The following SHPRH variants were observed in gnomAD, a reference collection of about 807,000 sequenced individuals.
SHPRH encodes SNF2 histone linker PHD RING helicase, also known as E3 ubiquitin-protein ligase SHPRH.
Under a neutral mutation model 202.5 loss-of-function variants are expected in SHPRH, and 106 were observed. That is an observed-to-expected ratio of 0.52 (90% CI 0.45 to 0.62). SHPRH has a LOEUF of 0.62. Ranked by LOEUF, SHPRH falls within the 20% of genes least tolerant of loss-of-function variation. The pLI is 0.00. For synonymous variants in SHPRH, 729 were observed against 686.0 expected (o/e 1.06, Z -0.98); for missense variants, 1,710 against 2,020.0 (o/e 0.85, Z 2.94).
chr6:145,880,364 C>T (rs1462116292), downstream of SHPRH, among the ~76,000 whole-genome samples: 1 of 152,076 alleles, frequency 6.6e-6, no homozygotes, highest in Non-Finnish European at 1.5e-5. Context: ...TGCAGTGGCT[C>T]ATGCCTGTAA....
Position 145,961,272 on chromosome 6 carries a change from C to T in SHPRH, c.-33+2459G>A, listed in dbSNP as rs942331376. ...GGGGAACTTAAAAAAATCCTGATGT[C>T]GAGCCAACTAAGTCAGAATGTCTTG... On this transcript the variant is annotated intron_variant, in intron 1 of 29. Transcript: ENST00000275233. Among the ~76,000 whole-genome samples the T allele has an allele frequency of 3.9e-5, 6 of 152,270 alleles. No individual in the cohort carries two copies. In the East Asian group the frequency reaches 5.8e-4, roughly 15 times the overall value.
chr6:145,867,051 A>C (rs543369085), intron 2 of SHPRH, among the ~76,000 whole-genome samples: 9 of 152,350 alleles, frequency 5.9e-5, no homozygotes, highest in African/African-American at 1.9e-4. Flanking sequence ...CTTCAGTTCC[A>C]GCATATAAAA....
At chr6:145,908,231 GTA>G (rs1198795489) in intron 25 of SHPRH, 1 of 152,090 alleles carries the variant, frequency 6.6e-6, no homozygotes, top group East Asian at 1.9e-4. Flanking sequence ...ACATTTGTGT[GTA>G]TATGTCTTTA....
chr6:145,894,320 G>T, intron 26 of SHPRH, 84 bp from the exon 27 acceptor site: 1 of 1,026,484 alleles, frequency 9.7e-7, no homozygotes, highest in South Asian at 2.1e-5. Context: ...AAATCAAAAT[G>T]ACTTTTATAC....
chr6:145,867,631 T>TATATAGAGAGAGAGAGAGAG (rs1554220329), intron 2 of SHPRH, among the ~76,000 whole-genome samples: 5 of 22,318 alleles, frequency 2.2e-4, no homozygotes, highest in Admixed American at 6.6e-4. Flanking sequence ...TATATATATA[T>TATATAGAGAGAGAGAGAGAG]AGAGAGAGAG....
At chr6:145,921,970 T>TG (rs139564401) in intron 20 of SHPRH, among the ~76,000 whole-genome samples, 36 of 152,174 alleles carry the variant, frequency 2.4e-4, no homozygotes, top group African/African-American at 7.7e-4. Flanking sequence ...AGTTCTACCT[T>TG]GAATAGCAGT....
Position 145,864,391 on chromosome 6 carries a change from TC to T in SHPRH, c.321del (p.Ile108PhefsTer13), listed in dbSNP as rs1779677266. 4 of 426,554 alleles carry T rather than the reference TC, an allele frequency of 9.4e-6. No individual in the cohort carries two copies. The highest frequency in any genetic ancestry group is 7.3e-5 in the South Asian group (4 of 54,540). The allele number at this position is 426,554 out of a possible 1,614,324, so 26.4% of individuals were successfully genotyped here. The stretch of plus-strand genomic sequence containing the variant: ...AAGTAAATAAAAAACAACTCACAAA[TC>T]ACCAAATCTCTCAACTGTAGAATGG... On this transcript the variant is annotated frameshift_variant, in exon 3 of 3. Coordinates refer to the SHPRH transcript ENST00000417762. LOFTEE classifies it low-confidence loss of function (END_TRUNC).
At chr6:145,942,398 A>G (rs773853522) in intron 9 of SHPRH, among the ~76,000 whole-genome samples, 1 of 152,192 alleles carries the variant, frequency 6.6e-6, no homozygotes, top group East Asian at 1.9e-4. Flanking sequence ...AAATAAAGTG[A>G]CTTGCTCAAA....
chr6:145,882,167 A>G (rs191469438), downstream of SHPRH, among the ~76,000 whole-genome samples: 59 of 152,298 alleles, frequency 3.9e-4, no homozygotes, highest in Admixed American at 1.4e-3. Context: ...TTAAGAAGGA[A>G]ACTTGCTAAA....
Position 145,893,274 on chromosome 6 carries a change from T to C in SHPRH, c.4815A>G (p.Ile1605Met). 2 of 1,606,526 alleles carry C rather than the reference T, an allele frequency of 1.2e-6. No individual in the cohort carries two copies. The highest frequency in any genetic ancestry group is 1.7e-6 in the Non-Finnish European group (2 of 1,176,890). ...EATHVLLVEP[I>M]LNPAHELQAI... ...CCTGAAGCTCATGGGCAGGGTTCAA[T>C]ATGGGCTCCACCAAGAGAACATGAG... is the stretch of plus-strand genomic sequence containing the variant. The change falls in exon 28 of 30, where the codon ATA becomes ATG. Residue 1605 changes from isoleucine to methionine, a missense_variant. Transcript: ENST00000275233.
In SHPRH at chr6:145,955,039, A is replaced by G; in HGVS notation, c.284T>C (p.Leu95Ser). The G allele has an allele frequency of 6.2e-7, 1 of 1,613,262 alleles. No homozygotes were observed. Among genetic ancestry groups the G allele is most frequent in the Non-Finnish European group, 8.5e-7 (1 of 1,179,914 alleles). ...AATCACAATATTTAACTTTACAGAC[A>G]AAGGGGAAAAAATACCAACAGTCTC... ...KEETVGIFSP[L>S]SVKLNIVISP... The change falls in exon 2 of 30, where the codon TTG becomes TCG. Residue 95 changes from leucine (L) to serine (S), a missense_variant. Coordinates refer to ENST00000275233, the MANE Select transcript of SHPRH (RefSeq NM_001042683.3).
intron 24 of SHPRH, among the ~76,000 whole-genome samples, chr6:145,912,810 T>C (rs1451527495): frequency 1.3e-5 from 2 of 152,126 alleles, no homozygotes; most frequent in African/African-American, 4.8e-5. Flanking sequence ...TCAACAGTAA[T>C]AGGCTTATCT....
At chr6:145,867,307 G>A (rs147097066) in intron 2 of SHPRH, among the ~76,000 whole-genome samples, 274 of 152,046 alleles carry the variant, frequency 1.8e-3, no homozygotes, top group South Asian at 6.0e-3. Flanking sequence ...TCACACTGTA[G>A]TAGACTGATT....
chr6:145,867,183 C>T (rs1047344431), intron 2 of SHPRH, among the ~76,000 whole-genome samples: 3 of 152,064 alleles, frequency 2.0e-5, no homozygotes, highest in Non-Finnish European at 4.4e-5. Flanking sequence ...TCGTCACTCT[C>T]TGATCTCAGA....
intron 2 of SHPRH, among the ~76,000 whole-genome samples, chr6:145,866,817 C>T (rs901035881): frequency 1.3e-5 from 2 of 152,158 alleles, no homozygotes; most frequent in East Asian, 3.9e-4. Flanking sequence ...ATTCAGGGAA[C>T]AAAAGTGTTT....
At chr6:145,904,169 A>C (rs1445154758) in intron 25 of SHPRH, 1 of 152,108 alleles carries the variant, frequency 6.6e-6, no homozygotes, top group Non-Finnish European at 1.5e-5. Context: ...AAAAAGCTAT[A>C]TGATTAAGCA....
Position 145,933,121 on chromosome 6 carries a change from A to G in SHPRH, c.3048T>C (p.Cys1016=). The change falls in exon 14 of 30, where the codon TGT becomes TGC. Residue 1016 remains cysteine (C), a synonymous_variant. Transcript: ENST00000275233. ...TSLQKKCGTE[C]EEAHRQLVCA... The stretch of plus-strand genomic sequence containing the variant: ...AAACTAGCTGTCGATGTGCTTCTTC[A>G]CATTCAGTTCCACATTTCTTCTGCA... 1.9e-6 allele frequency: 3 copies of G among 1,613,956 alleles called. No individual in the cohort carries two copies. The highest frequency in any genetic ancestry group is 2.5e-6 in the Non-Finnish European group (3 of 1,179,920).
chr6:145,867,633 G>T (rs4624894), intron 2 of SHPRH, among the ~76,000 whole-genome samples: 1,768 of 28,798 alleles, frequency 0.061, 3 homozygotes, highest in East Asian at 0.11. Flanking sequence ...TATATATATA[G>T]AGAGAGAGAG....
At chr6:145,950,546 T>C in intron 3 of SHPRH, 64 bp from the exon 4 acceptor site, 8 of 1,486,970 alleles carry the variant, frequency 5.4e-6, no homozygotes, top group Non-Finnish European at 7.4e-6. Context: ...AAGCAATTCT[T>C]ATTCTAAGAG....
Sources: allele counts gnomAD v4.1 joint callset (sites outside exome capture counted in the v4.1 genomes callset), GRCh38; gene constraint gnomAD v4.1.1; transcripts MANE v1.5; gene names NCBI Gene and HGNC (gene_info 2026-07-23, HGNC 2026-07-21).